The following STK11 variants were observed in gnomAD, a reference collection of about 807,000 sequenced individuals.
The protein encoded by STK11 is serine/threonine-protein kinase STK11.
Under a neutral mutation model 47.3 loss-of-function variants are expected in STK11, and 8 were observed. The observed-to-expected ratio is 0.17, with a 90% CI of 0.10 to 0.31. STK11 has a LOEUF of 0.31. Ranked by LOEUF, STK11 falls within the 10% of genes least tolerant of loss-of-function variation. The pLI is 1.00. For synonymous variants in STK11, 330 were observed against 255.8 expected (o/e 1.29, Z -2.77); for missense variants, 475 against 605.0 (o/e 0.79, Z 2.25).
At chr19:1,224,764 G>A (rs1277339340) in intron 8 of STK11, 4 of 984,930 alleles carry the variant, frequency 4.1e-6, no homozygotes, top group Non-Finnish European at 4.8e-6. Context: ...GGGTGGTGAG[G>A]AGGAGTACCC....
rs1390760310 is a variant in STK11 at position 1,208,371 on chromosome 19, G to A, written c.290+1168G>A. On this transcript the variant is annotated intron_variant, in intron 1 of 9. Transcript: ENST00000326873. ...TCCCCAGGCTGGAGTGCAGTGGCGC[G>A]AACTGGGCTCACTGCAAGCTCCGCC... Among the ~76,000 whole-genome samples the A allele has an allele frequency of 1.2e-4, 18 of 149,646 alleles. 1 individual carries two copies. In the East Asian group the frequency reaches 3.4e-3, roughly 28 times the overall value.
At chr19:1,213,858 C>T (rs1257962016) in intron 1 of STK11, among the ~76,000 whole-genome samples, 2 of 152,230 alleles carry the variant, frequency 1.3e-5, no homozygotes, top group African/African-American at 4.8e-5. Flanking sequence ...GCCTCCCAGT[C>T]CTGCTCTGAG....
intron 8 of STK11, chr19:1,224,886 C>T: frequency 1.0e-6 from 1 of 985,692 alleles, no homozygotes; most frequent in Non-Finnish European, 1.2e-6. Flanking sequence ...ACAGGCTCAA[C>T]TTCAGGCTTC....
chr19:1,210,195 G>C (rs990856877), intron 1 of STK11, among the ~76,000 whole-genome samples: 4 of 152,212 alleles, frequency 2.6e-5, no homozygotes, highest in Admixed American at 2.6e-4. Flanking sequence ...ACTGGAGGCT[G>C]CCATGTGCAG....
At position 1,219,053 on chromosome 19, in the gene STK11, C is replaced by G. The variant is rs75556262; in HGVS notation, c.375-271C>G. ...GGGGGCGTCCAGGAGGCACCATCCC[C>G]CGCCCATGGGCAGGGTGGGGGACGT... On this transcript the variant is annotated intron_variant, in intron 2 of 9. Coordinates refer to ENST00000326873, the MANE Select transcript of STK11 (RefSeq NM_000455.5). Among the ~76,000 whole-genome samples the G allele has an allele frequency of 3.9e-3, 600 of 152,264 alleles. 5 individuals carry two copies. The highest frequency in any genetic ancestry group is 0.014 in the African/African-American group (571 of 41,576).
At chr19:1,224,864 C>G (rs117748113) in intron 8 of STK11, 11 of 985,624 alleles carry the variant, frequency 1.1e-5, no homozygotes, top group East Asian at 1.1e-4. Flanking sequence ...TCCCACTGCT[C>G]AGATGCTGGG....
At chr19:1,213,224 C>T (rs2080723780) in intron 1 of STK11, among the ~76,000 whole-genome samples, 1 of 151,770 alleles carries the variant, frequency 6.6e-6, no homozygotes, top group African/African-American at 2.4e-5. Context: ...GTCTCGATCT[C>T]CTGACCTCGT....
intron 8 of STK11, 186 bp from the exon 9 acceptor site, chr19:1,226,268 C>T (rs909916673): frequency 2.9e-5 from 42 of 1,431,014 alleles, no homozygotes; most frequent in South Asian, 2.3e-4. Context: ...GGCTCAGCCC[C>T]GGGGGGTGCC....
Position 1,226,616 on chromosome 19 carries a change from T to TCCG in STK11, c.1275_1277dup (p.Arg426dup). The TCCG allele has an allele frequency of 6.4e-7, 1 of 1,552,768 alleles. No individual in the cohort carries two copies. The highest frequency in any genetic ancestry group is 8.7e-7 in the Non-Finnish European group (1 of 1,150,100). The stretch of plus-strand genomic sequence containing the variant: ...AAGGCCTGCTCCGCCAGCAGCAAGA[T>TCCG]CCGCCGGCTGTCGGCCTGCAAGCAG... On this transcript the variant is annotated inframe_insertion, in exon 9 of 10. Coordinates refer to ENST00000326873, the MANE Select transcript of STK11 (RefSeq NM_000455.5).
chr19:1,207,318 T>C, intron 1 of STK11, 115 bp downstream of exon 1: 1 of 1,365,018 alleles, frequency 7.3e-7, no homozygotes, highest in Non-Finnish European at 9.9e-7. Context: ...CACCCTGAGC[T>C]GGACCCGTCT....
chr19:1,223,522 C>A (rs1366200369), intron 8 of STK11: 1 of 966,982 alleles, frequency 1.0e-6, no homozygotes. Flanking sequence ...AGGTGAGAGT[C>A]AGGGTGCAGG....
rs1196582788 is a variant in STK11, at chr19:1,228,025, G to C, written c.*449G>C. 3 of 1,066,592 alleles carry C rather than the reference G, an allele frequency of 2.8e-6. No homozygotes were observed. Among genetic ancestry groups the C allele is most frequent in the South Asian group, 4.5e-5 (1 of 21,996 alleles). The allele number at this position is 1,066,592 out of a possible 1,614,324, so 66.1% of individuals were successfully genotyped here. Reference sequence around the variant, plus strand: ...ACCTGGAAGCCGCGCGGCCGCTTTGGTTTTTTGTTTGGTTGGTTCCATTTT... The same window carrying C: ...ACCTGGAAGCCGCGCGGCCGCTTTGCTTTTTTGTTTGGTTGGTTCCATTTT... On this transcript the variant is annotated 3_prime_UTR_variant, in exon 10 of 10. Coordinates refer to ENST00000326873, the MANE Select transcript of STK11 (RefSeq NM_000455.5).
chr19:1,206,732 G>A lies in STK11; in HGVS notation c.-182G>A. On this transcript the variant is annotated 5_prime_UTR_variant, in exon 1 of 10. Coordinates refer to ENST00000326873, the MANE Select transcript of STK11 (RefSeq NM_000455.5). ...CGGGCTTGGACTCGCAGCCGGGACTGACGTGTAGAACAATCGTTTCTGTTG... is the reference window on the plus strand; with the variant it reads ...CGGGCTTGGACTCGCAGCCGGGACTAACGTGTAGAACAATCGTTTCTGTTG... 1 of 850,056 alleles carries A rather than the reference G, an allele frequency of 1.2e-6. No individual in the cohort carries two copies. Among genetic ancestry groups the A allele is most frequent in the Non-Finnish European group, 1.8e-6 (1 of 570,432 alleles). 52.7% of individuals were successfully genotyped at this position (850,056 alleles called of 1,614,324 possible).
intron 8 of STK11, chr19:1,224,361 T>C: frequency 1.0e-6 from 1 of 985,268 alleles, no homozygotes; most frequent in Non-Finnish European, 1.2e-6. Context: ...GAGGTGCTGC[T>C]GGGTACCCTG....
At chr19:1,214,904 G>A (rs1187928257) in intron 1 of STK11, among the ~76,000 whole-genome samples, 1 of 152,232 alleles carries the variant, frequency 6.6e-6, no homozygotes, top group Non-Finnish European at 1.5e-5. Flanking sequence ...GGAGCATCAG[G>A]CTCTTGGGGC....
chr19:1,217,664 C>G (rs1356340214), intron 1 of STK11, among the ~76,000 whole-genome samples: 1 of 152,102 alleles, frequency 6.6e-6, no homozygotes, highest in Non-Finnish European at 1.5e-5. Context: ...TTCGCCTGCC[C>G]CTTCCTATGG....
At chr19:1,220,219 C>T in intron 3 of STK11, 154 bp from the exon 4 acceptor site, 1 of 1,058,932 alleles carries the variant, frequency 9.4e-7, no homozygotes, top group Non-Finnish European at 1.3e-6. Context: ...TGGCTCCCTG[C>T]TGGACCTAGC....
At chr19:1,213,649 A>G (rs932164529) in intron 1 of STK11, among the ~76,000 whole-genome samples, 2 of 152,230 alleles carry the variant, frequency 1.3e-5, no homozygotes, top group African/African-American at 4.8e-5. Context: ...GTGGAGGGCC[A>G]CGCTGCGTTT....
At chr19:1,223,806 C>T in intron 8 of STK11, 1 of 1,033,976 alleles carries the variant, frequency 9.7e-7, no homozygotes, top group South Asian at 4.6e-5. Context: ...CCAGCCCCTC[C>T]CCGCCATGCT....
Sources: gnomAD v4.1 joint callset for allele counts (sites outside exome capture counted in the v4.1 genomes callset) on GRCh38, gnomAD v4.1.1 for gene constraint, MANE v1.5 for transcripts, NCBI Gene and HGNC (gene_info 2026-07-23, HGNC 2026-07-21) for gene names.